Variants in GALNTL6 observed in about 807,000 individuals in gnomAD.
GALNTL6 encodes polypeptide N-acetylgalactosaminyltransferase like 6, also known as polypeptide N-acetylgalactosaminyltransferase-like 6.
GALNTL6 carries 46 observed loss-of-function variants against 73.7 expected under a neutral mutation model. That is an observed-to-expected ratio of 0.62 (90% CI 0.49 to 0.80). The LOEUF (loss-of-function observed/expected upper bound fraction) is 0.80. Ranked by LOEUF, GALNTL6 falls within the 30% of genes least tolerant of loss-of-function variation. GALNTL6 has a pLI of 0.00. For missense variants in GALNTL6, 604 were observed against 755.0 expected (o/e 0.80, Z 2.34); for synonymous variants, 259 against 263.7 (o/e 0.98, Z 0.17).
intron 5 of GALNTL6, among the ~76,000 whole-genome samples, chr4:172,714,320 C>G (rs1244081668): frequency 6.6e-6 from 1 of 151,860 alleles, no homozygotes; most frequent in Non-Finnish European, 1.5e-5. Context: ...CACACACACA[C>G]ACACACACAC....
chr4:171,866,342 A>G (rs1735969910), intron 2 of GALNTL6, among the ~76,000 whole-genome samples: 1 of 152,018 alleles, frequency 6.6e-6, no homozygotes, highest in Non-Finnish European at 1.5e-5. Context: ...TTATATGATG[A>G]TATCATTTCC....
intron 3 of GALNTL6, among the ~76,000 whole-genome samples, chr4:172,299,627 CCAGTGGT>C (rs1179061649): frequency 6.6e-6 from 1 of 152,086 alleles, no homozygotes; most frequent in Admixed American, 6.5e-5. Context: ...CGTTATGTAC[CCAGTGGT>C]CATTCAGGAG....
At chr4:172,139,119 T>C (rs576546055) in intron 2 of GALNTL6, among the ~76,000 whole-genome samples, 2 of 152,266 alleles carry the variant, frequency 1.3e-5, no homozygotes, top group South Asian at 4.1e-4. Flanking sequence ...AGGAATTTTA[T>C]AAGGCCACTG....
At chr4:172,056,164 A>G (rs1731014013) in intron 2 of GALNTL6, among the ~76,000 whole-genome samples, 1 of 152,168 alleles carries the variant, frequency 6.6e-6, no homozygotes. Flanking sequence ...AAATGCTGCC[A>G]TTTAGCCATT....
At chr4:172,237,202 A>C (rs1161946567) in intron 3 of GALNTL6, among the ~76,000 whole-genome samples, 2 of 152,200 alleles carry the variant, frequency 1.3e-5, no homozygotes, top group Non-Finnish European at 2.9e-5. Flanking sequence ...TTTATGGTAG[A>C]ATGACTTATA....
At chr4:172,295,432 A>AC (rs1457647054) in intron 3 of GALNTL6, among the ~76,000 whole-genome samples, 2 of 150,594 alleles carry the variant, frequency 1.3e-5, no homozygotes, top group East Asian at 3.9e-4. Context: ...AGAAAAAAAA[A>AC]AAGTGCCACA....
At chr4:172,604,641 C>A (rs931195205) in intron 5 of GALNTL6, among the ~76,000 whole-genome samples, 25 of 152,132 alleles carry the variant, frequency 1.6e-4, no homozygotes, top group African/African-American at 5.8e-4. Flanking sequence ...GCTGCATATA[C>A]CATCACCTTT....
intron 5 of GALNTL6, among the ~76,000 whole-genome samples, chr4:172,645,557 T>A (rs1740205582): frequency 6.6e-6 from 1 of 151,912 alleles, no homozygotes; most frequent in African/African-American, 2.4e-5. Flanking sequence ...TTGGAAAGAT[T>A]TTTCTTTGTT....
chr4:172,205,629 T>G (rs1255155791), intron 2 of GALNTL6, among the ~76,000 whole-genome samples: 1 of 152,172 alleles, frequency 6.6e-6, no homozygotes, highest in Non-Finnish European at 1.5e-5. Context: ...CATTCTTACA[T>G]GCAGAAGTAC....
At chr4:172,384,926 G>A (rs1743407879) in intron 5 of GALNTL6, among the ~76,000 whole-genome samples, 1 of 149,672 alleles carries the variant, frequency 6.7e-6, no homozygotes, top group South Asian at 2.1e-4. Flanking sequence ...TTGTTGTGTT[G>A]GGTTTTTACT....
intron 7 of GALNTL6, among the ~76,000 whole-genome samples, chr4:172,875,164 CA>C (rs1380956094): frequency 2.0e-5 from 3 of 152,180 alleles, no homozygotes; most frequent in Admixed American, 2.0e-4. Flanking sequence ...CAGATGGACC[CA>C]AAGACCCTTG....
At chr4:172,093,724 T>C (rs1732272693) in intron 2 of GALNTL6, among the ~76,000 whole-genome samples, 1 of 152,184 alleles carries the variant, frequency 6.6e-6, no homozygotes, top group South Asian at 2.1e-4. Flanking sequence ...ATGCGAAGAA[T>C]TTAGCTTGCA....
rs200833395 is a variant in GALNTL6, at chr4:171,918,420, G to GA, written c.138+103708dup. Among the ~76,000 whole-genome samples, 232 of 152,066 alleles carry GA rather than the reference G, an allele frequency of 1.5e-3. 1 individual carries two copies. Among genetic ancestry groups the GA allele is most frequent in the Admixed American group, 9.9e-3 (151 of 15,268 alleles). On this transcript the variant is annotated intron_variant, in intron 2 of 12. Coordinates refer to ENST00000506823, the MANE Select transcript of GALNTL6 (RefSeq NM_001034845.3). ...AGAAATCCAACTCAAATTGTCTTAA[G>GA]AAAAAATCTCATAACGCAAAAGAGT...
intron 2 of GALNTL6, among the ~76,000 whole-genome samples, chr4:172,220,117 C>T (rs1736624358): frequency 6.6e-6 from 1 of 151,740 alleles, no homozygotes; most frequent in Non-Finnish European, 1.5e-5. Context: ...GATTAAATAA[C>T]ATAAGAAGAT....
rs562870455 is a variant in GALNTL6, at chr4:172,448,677, G to T, written c.553+99988G>T. On this transcript the variant is annotated intron_variant, in intron 5 of 12. Coordinates refer to ENST00000506823, the MANE Select transcript of GALNTL6 (RefSeq NM_001034845.3). ...CGCTTTTTAGTCTTCTCTAGAAATA[G>T]AATTATTTTAAAACTCTGAGAAATC... Among the ~76,000 whole-genome samples, 19 of 152,260 alleles carry T rather than the reference G, an allele frequency of 1.2e-4. No homozygotes were observed. In the South Asian group the frequency reaches 3.5e-3, roughly 28 times the overall value.
At chr4:172,602,607 A>G (rs1738104833) in intron 5 of GALNTL6, among the ~76,000 whole-genome samples, 1 of 152,172 alleles carries the variant, frequency 6.6e-6, no homozygotes, top group African/African-American at 2.4e-5. Flanking sequence ...CCAAAAGAAG[A>G]TAGAAAAAAA....
intron 2 of GALNTL6, among the ~76,000 whole-genome samples, chr4:171,833,742 A>G (rs990688060): frequency 3.3e-5 from 5 of 151,866 alleles, no homozygotes; most frequent in Non-Finnish European, 5.9e-5. Flanking sequence ...ACTTTGAGCT[A>G]TGGAATAAAC....
chr4:172,742,505 A>G (rs1736865092), intron 5 of GALNTL6, among the ~76,000 whole-genome samples: 1 of 151,850 alleles, frequency 6.6e-6, no homozygotes, highest in African/African-American at 2.4e-5. Flanking sequence ...GTCTTCAAGT[A>G]AAGATATTTC....
chr4:172,230,555 G>A (rs1225222148), intron 3 of GALNTL6, among the ~76,000 whole-genome samples: 2 of 124,506 alleles, frequency 1.6e-5, no homozygotes, highest in African/African-American at 3.0e-5. Flanking sequence ...CACTCCAGCC[G>A]GGCGATAGAG....
Sources: gnomAD v4.1 joint callset for allele counts (sites outside exome capture counted in the v4.1 genomes callset) on GRCh38, gnomAD v4.1.1 for gene constraint, MANE v1.5 for transcripts, NCBI Gene and HGNC (gene_info 2026-07-23, HGNC 2026-07-21) for gene names.